Variants in SLC22A4 observed in about 807,000 individuals in gnomAD.
SLC22A4 encodes solute carrier family 22 member 4.
In SLC22A4, 39 loss-of-function variants were observed where a neutral mutation model predicts 56.6. That is an observed-to-expected ratio of 0.69 (90% CI 0.53 to 0.90). The LOEUF is 0.90. SLC22A4 is among the 40% of genes least tolerant of loss of function. The pLI is 0.00. For missense variants in SLC22A4, 594 were observed against 696.5 expected (o/e 0.85, Z 1.66); for synonymous variants, 241 against 281.4 (o/e 0.86, Z 1.44).
In SLC22A4 at chr5:132,343,980, A is replaced by C; in HGVS notation, c.*145A>C. The C allele has an allele frequency of 1.6e-6, 1 of 613,232 alleles. No homozygotes were observed. The highest frequency in any genetic ancestry group is 2.8e-5 in the East Asian group (1 of 36,050). 38.0% of individuals were successfully genotyped at this position (613,232 alleles called of 1,614,324 possible). On this transcript the variant is annotated 3_prime_UTR_variant, in exon 10 of 10. Coordinates refer to ENST00000200652, the MANE Select transcript of SLC22A4 (RefSeq NM_003059.3). ...TCAAGAAATGCTCGTCATACAGTAA[A>C]CTCTGGATGATTCTTCCAGATAATG...
At position 132,294,949 on chromosome 5, in the gene SLC22A4, G is replaced by T; in HGVS notation, c.333G>T (p.Glu111Asp). 6.2e-7 allele frequency: 1 copy of T among 1,605,084 alleles called. No homozygotes were observed. The highest frequency in any genetic ancestry group is 8.5e-7 in the Non-Finnish European group (1 of 1,176,438). Reference sequence around the variant, plus strand: ...TGGACCTGGGGCAGCTGGAGCAGGAGAGCTGCCTGGATGGCTGGGAGTTCA... The same window carrying T: ...TGGACCTGGGGCAGCTGGAGCAGGATAGCTGCCTGGATGGCTGGGAGTTCA... The part of the protein sequence containing the change: ...RDVDLGQLEQ[E>D]SCLDGWEFSQ... The change falls in exon 1 of 10, where the codon GAG becomes GAT. Residue 111 changes from glutamate to aspartate, a missense_variant. Physicochemically the swap from Glu to Asp is conservative, Grantham distance 45. Coordinates refer to ENST00000200652, the MANE Select transcript of SLC22A4 (RefSeq NM_003059.3). The surrounding 1 kb of genome is among the most constrained non-coding windows in gnomAD (Gnocchi z 5.6).
chr5:132,328,357 C>A (rs1195342022), intron 5 of SLC22A4, among the ~76,000 whole-genome samples: 1 of 152,184 alleles, frequency 6.6e-6, no homozygotes, highest in East Asian at 1.9e-4. Context: ...GAAAGCAGAA[C>A]TCTGTAGAGG....
chr5:132,343,290 T>C (rs1214097020), intron 9 of SLC22A4, among the ~76,000 whole-genome samples: 1 of 152,218 alleles, frequency 6.6e-6, no homozygotes, highest in Non-Finnish European at 1.5e-5. Flanking sequence ...AGCTTCAGTA[T>C]TCCCATCTGC....
At position 132,334,768 on chromosome 5, in the gene SLC22A4, T is replaced by C. The variant is rs1455179770; in HGVS notation, c.1097T>C (p.Leu366Ser). 1.2e-6 allele frequency: 2 copies of C among 1,614,004 alleles called. No homozygotes were observed. The highest frequency in any genetic ancestry group is 1.3e-5 in the African/African-American group (1 of 74,928). Residue 366 changes from leucine to serine, a missense_variant, in exon 7 of 10, where the codon TTA (leucine) becomes TCA (serine). By Grantham distance (145) the Leu-to-Ser change is moderately radical. Transcript: ENST00000200652. ...YFALSLDAPN[L>S]HGDAYLNCFL... The stretch of plus-strand genomic sequence containing the variant: ...GCTCTGTCTCTGGATGCTCCTAATT[T>C]ACATGGAGATGCCTACCTGAACTGT...
Position 132,294,605 on chromosome 5 carries a change from G to T in SLC22A4, c.-12G>T. 1 of 1,614,154 alleles carries T rather than the reference G, an allele frequency of 6.2e-7. No individual in the cohort carries two copies. Among genetic ancestry groups the T allele is most frequent in the Non-Finnish European group, 8.5e-7 (1 of 1,180,030 alleles). On this transcript the variant is annotated 5_prime_UTR_variant, in exon 1 of 10. Coordinates refer to ENST00000200652, the MANE Select transcript of SLC22A4 (RefSeq NM_003059.3). The surrounding 1 kb of genome is among the most constrained non-coding windows in gnomAD (Gnocchi z 5.6). ...ACCCGTAGTTGCAAGTTTCGGAGCG[G>T]CAGTGGGAAGCATGCGGGACTACGA...
Position 132,299,425 on chromosome 5 carries a change from TTTTA to T in SLC22A4, c.393+4420_393+4423del, listed in dbSNP as rs869149715. ...TTTTATTTTATTTTATTTTATTTTA[TTTTA>T]TTTTTTTGAGATGGAGTTTCTTTCT... On this transcript the variant is annotated intron_variant, in intron 1 of 9. Transcript: ENST00000200652. 4.6e-3 allele frequency among the ~76,000 whole-genome samples: 692 copies of T among 150,944 alleles called. 2 individuals carry two copies. The highest frequency in any genetic ancestry group is 7.7e-3 in the Non-Finnish European group (521 of 67,940).
intron 1 of SLC22A4, among the ~76,000 whole-genome samples, chr5:132,308,229 C>T (rs1279363927): frequency 6.6e-6 from 1 of 152,146 alleles, no homozygotes; most frequent in Non-Finnish European, 1.5e-5. Context: ...TGGCCTCATG[C>T]ATGCACATGT....
chr5:132,311,432 G>A (rs1224798441), intron 1 of SLC22A4: 1 of 152,312 alleles, frequency 6.6e-6, no homozygotes, highest in African/African-American at 2.4e-5. Context: ...CACTGGCAGG[G>A]ACTTGTTAGG....
At chr5:132,343,643 C>A in intron 9 of SLC22A4, 117 bp from the exon 10 acceptor site, 1 of 696,340 alleles carries the variant, frequency 1.4e-6, no homozygotes, top group South Asian at 1.7e-5. Context: ...CATTAGAGTT[C>A]AAATAGTTAC....
At position 132,329,882 on chromosome 5, in the gene SLC22A4, TA is replaced by T. The variant is rs1042705032; in HGVS notation, c.952-1870del. Among the ~76,000 whole-genome samples the T allele has an allele frequency of 3.2e-4, 48 of 152,144 alleles. 1 individual carries two copies. Among genetic ancestry groups the T allele is most frequent in the Non-Finnish European group, 2.2e-4 (15 of 68,014 alleles). On this transcript the variant is annotated intron_variant, in intron 5 of 9. Coordinates refer to ENST00000200652, the MANE Select transcript of SLC22A4 (RefSeq NM_003059.3). ...GAATACAGATTCTCAGGCCTCTGTT[TA>T]AAAGAGTCGAAGTAGGCAAGCCCAG...
chr5:132,335,857 A>G lies in SLC22A4; in HGVS notation c.1301A>G (p.Lys434Arg). ...FLSIGLVMLG[K>R]FGITSAFSML... is the part of the protein sequence containing the mutation. ...TCCATTGGTCTGGTCATGCTGGGAA[A>G]ATTTGGGATCACCTCTGCTTTCTCC... is the stretch of plus-strand genomic sequence containing the variant. The change falls in exon 8 of 10, where the codon AAA becomes AGA. Residue 434 changes from lysine to arginine, a missense_variant. Coordinates refer to ENST00000200652, the MANE Select transcript of SLC22A4 (RefSeq NM_003059.3). 6.2e-7 allele frequency: 1 copy of G among 1,614,090 alleles called. No homozygotes were observed. Among genetic ancestry groups the G allele is most frequent in the Non-Finnish European group, 8.5e-7 (1 of 1,180,014 alleles).
intron 1 of SLC22A4, among the ~76,000 whole-genome samples, chr5:132,306,671 C>G (rs1485045386): frequency 6.6e-6 from 1 of 151,666 alleles, no homozygotes; most frequent in Non-Finnish European, 1.5e-5. Context: ...GTCTTGAACT[C>G]CTGACCTCAG....
intron 3 of SLC22A4, among the ~76,000 whole-genome samples, chr5:132,315,051 G>A (rs1396067752): frequency 6.6e-6 from 1 of 152,178 alleles, no homozygotes; most frequent in East Asian, 1.9e-4. Context: ...GGCCAGTGTT[G>A]TTGGAAACTG....
At chr5:132,312,658 C>G (rs992221678) in intron 2 of SLC22A4, among the ~76,000 whole-genome samples, 4 of 152,234 alleles carry the variant, frequency 2.6e-5, no homozygotes, top group Non-Finnish European at 5.9e-5. Flanking sequence ...CAGCCAGCAG[C>G]CAGACAGTGA....
chr5:132,322,431 G>T, intron 4 of SLC22A4, 76 bp downstream of exon 4: 2 of 1,439,100 alleles, frequency 1.4e-6, no homozygotes, highest in South Asian at 1.1e-5. Context: ...GCCTGATGCT[G>T]ACCTAGCCTG....
intron 1 of SLC22A4, among the ~76,000 whole-genome samples, chr5:132,304,723 C>T (rs188417177): frequency 3.9e-5 from 6 of 152,124 alleles, no homozygotes; most frequent in East Asian, 1.9e-4. Flanking sequence ...CCAGAAATTA[C>T]GAGATATGCA....
At chr5:132,340,467 A>G (rs982899793) in intron 8 of SLC22A4, 98 bp from the exon 9 acceptor site, 28 of 1,133,726 alleles carry the variant, frequency 2.5e-5, no homozygotes, top group Non-Finnish European at 3.5e-5. Flanking sequence ...ATTTAAATCC[A>G]TTCTCTTATA....
chr5:132,322,035 C>T (rs1311456490), intron 3 of SLC22A4, 149 bp from the exon 4 acceptor site: 3 of 723,902 alleles, frequency 4.1e-6, no homozygotes, highest in African/African-American at 1.7e-5. Context: ...CCTTCCTCTA[C>T]CCTGACCATG....
At chr5:132,337,735 G>GC (rs1363161759) in intron 8 of SLC22A4, among the ~76,000 whole-genome samples, 1 of 148,678 alleles carries the variant, frequency 6.7e-6, no homozygotes, top group African/African-American at 2.5e-5. Context: ...CATGTTCTTT[G>GC]CCCCTTTTTT....
Sources: gnomAD v4.1 joint callset for allele counts (sites outside exome capture counted in the v4.1 genomes callset) on GRCh38, gnomAD v4.1.1 for gene constraint, Gnocchi (gnomAD v3.1) non-coding constraint, MANE v1.5 for transcripts, NCBI Gene and HGNC (gene_info 2026-07-23, HGNC 2026-07-21) for gene names.